Variants in ARSF observed in about 807,000 individuals in gnomAD.
ARSF encodes arylsulfatase F.
A neutral mutation model predicts 35.4 loss-of-function variants in ARSF; 33 were observed. The observed-to-expected ratio is 0.93, with a 90% CI of 0.71 to 1.25. The LOEUF (loss-of-function observed/expected upper bound fraction) is 1.25. Among genes scored for constraint, ARSF ranks in the 50% most tolerant of loss-of-function variants. The pLI is 0.00. For missense variants in ARSF, 501 were observed against 480.2 expected (o/e 1.04, Z -0.40); for synonymous variants, 222 against 193.1 (o/e 1.15, Z -1.24).
intron 3 of ARSF, among the ~76,000 whole-genome samples, chrX:3,075,205 G>C (rs2090136826): frequency 9.0e-6 from 1 of 111,498 alleles, no homozygotes; most frequent in African/African-American, 3.3e-5. Flanking sequence ...TTGTAAGGCT[G>C]AAGTACAGTG....
intron 4 of ARSF, among the ~76,000 whole-genome samples, chrX:3,077,274 G>T (rs1005918506): frequency 1.8e-5 from 2 of 112,233 alleles, no homozygotes. Flanking sequence ...GTCTTGGAAT[G>T]AAGTAATTAA....
At chrX:3,089,946 G>A (rs1191374243) in intron 7 of ARSF, among the ~76,000 whole-genome samples, 1 of 111,629 alleles carries the variant, frequency 9.0e-6, no homozygotes, top group Non-Finnish European at 1.9e-5. Flanking sequence ...TTAGATTCAG[G>A]GAGTACATGT....
Position 3,110,231 on chromosome X carries a change from C to T in ARSF, c.1369C>T (p.Arg457Trp), listed in dbSNP as rs753503000. 2.4e-5 allele frequency: 28 copies of T among 1,183,906 alleles called. 1 individual carries two copies. Among genetic ancestry groups the T allele is most frequent in the Non-Finnish European group, 2.7e-5 (24 of 881,342 alleles). Residue 457 changes from arginine (R) to tryptophan (W), a missense_variant, in exon 10 of 11, where the codon CGG (arginine) becomes TGG (tryptophan). Transcript: ENST00000381127. Reference protein sequence around the residue: ...HYCGSYLHAVRWIPKDDSGSV... With the variant: ...HYCGSYLHAVWWIPKDDSGSV... The stretch of plus-strand genomic sequence containing the variant: ...CTGTGGCTCCTACCTGCACGCCGTG[C>T]GGTGGATCCCCAAGGACGACAGTGA...
intron 3 of ARSF, among the ~76,000 whole-genome samples, chrX:3,075,009 C>T (rs946431815): frequency 1.8e-5 from 2 of 111,649 alleles, no homozygotes; most frequent in East Asian, 2.8e-4. Context: ...TCTGTGTTGT[C>T]GAAAATGGTG....
In ARSF at chrX:3,068,121, G is replaced by A. The variant is rs370087636; in HGVS notation, c.11+10G>A. The A allele has an allele frequency of 1.7e-6, 2 of 1,193,490 alleles. No homozygotes were observed. Among genetic ancestry groups the A allele is most frequent in the African/African-American group, 3.6e-5 (2 of 55,974 alleles). ...GCACAATGAGGCCCAGGTAGGTAAA[G>A]CCATATACTGCATTGTGAGCACATT... On this transcript the variant is annotated intron_variant, in intron 2 of 10. Transcript: ENST00000381127.
intron 3 of ARSF, 111 bp from the exon 4 acceptor site, chrX:3,076,437 A>G: frequency 2.3e-6 from 2 of 885,181 alleles, no homozygotes; most frequent in Non-Finnish European, 1.5e-6. Flanking sequence ...CTCTCTTTCC[A>G]CCTGTGCCTT....
At chrX:3,092,878 A>G (rs147223248) in intron 7 of ARSF, among the ~76,000 whole-genome samples, 2,754 of 112,130 alleles carry the variant, frequency 0.025, 43 homozygotes, top group Middle Eastern at 0.051. Context: ...TGCCTTTTAT[A>G]ATTATCATAG....
At position 3,046,802 on chromosome X, in the gene ARSF, A is replaced by G. The variant is rs149472879; in HGVS notation, c.-29+5139A>G. Reference sequence around the variant, plus strand: ...GTTACCTCTGAGACCTGTGATTACCAAGAAGATAGACATGTGGAGGAAGGG... The same window carrying G: ...GTTACCTCTGAGACCTGTGATTACCGAGAAGATAGACATGTGGAGGAAGGG... On this transcript the variant is annotated intron_variant, in intron 1 of 10. Transcript: ENST00000381127. Among the ~76,000 whole-genome samples, 258 of 111,159 alleles carry G rather than the reference A, an allele frequency of 2.3e-3. 2 individuals carry two copies. The highest frequency in any genetic ancestry group is 0.017 in the Admixed American group (180 of 10,391).
intron 1 of ARSF, among the ~76,000 whole-genome samples, chrX:3,056,819 G>A (rs1014815193): frequency 1.8e-5 from 2 of 111,037 alleles, no homozygotes; most frequent in African/African-American, 6.5e-5. Context: ...ATTCTCTTCC[G>A]ATCACCCTAG....
chrX:3,080,383 A>C (rs925539295), intron 4 of ARSF, among the ~76,000 whole-genome samples: 6 of 109,661 alleles, frequency 5.5e-5, no homozygotes, highest in African/African-American at 2.0e-4. Flanking sequence ...CTGAGGCAGG[A>C]GAATCACTTG....
At chrX:3,070,217 G>A (rs2090093436) in intron 2 of ARSF, among the ~76,000 whole-genome samples, 2 of 111,490 alleles carry the variant, frequency 1.8e-5, no homozygotes, top group African/African-American at 6.5e-5. Context: ...TGTTGTAAAT[G>A]ACAGAATTTC....
At chrX:3,081,431 G>C (rs759003896) in intron 5 of ARSF, among the ~76,000 whole-genome samples, 1 of 111,310 alleles carries the variant, frequency 9.0e-6, no homozygotes, top group African/African-American at 3.3e-5. Context: ...CCATCTCCTG[G>C]GTTCAAGGGA....
intron 2 of ARSF, 98 bp downstream of exon 2, chrX:3,068,209 C>A: frequency 1.2e-6 from 1 of 821,300 alleles, no homozygotes; most frequent in Non-Finnish European, 1.7e-6. Context: ...CATTTAATAT[C>A]ATCTGCCTTT....
At chrX:3,090,181 T>G (rs1344359254) in intron 7 of ARSF, among the ~76,000 whole-genome samples, 1 of 112,096 alleles carries the variant, frequency 8.9e-6, no homozygotes, top group Admixed American at 9.5e-5. Context: ...AAAATAAATT[T>G]TATTGTGTAT....
intron 3 of ARSF, among the ~76,000 whole-genome samples, chrX:3,074,186 T>C (rs1012263143): frequency 3.6e-5 from 4 of 111,013 alleles, no homozygotes; most frequent in African/African-American, 1.3e-4. Context: ...ATGGCAGATA[T>C]TTACAGAGAG....
chrX:3,082,095 C>G (rs1389313883), intron 5 of ARSF, among the ~76,000 whole-genome samples: 1 of 111,350 alleles, frequency 9.0e-6, no homozygotes, highest in Non-Finnish European at 1.9e-5. Flanking sequence ...TGTTAATATT[C>G]CTAGTAGATA....
In ARSF at chrX:3,068,110, A is replaced by G; in HGVS notation, c.10A>G (p.Arg4Gly). 1 of 1,201,894 alleles carries G rather than the reference A, an allele frequency of 8.3e-7. No individual in the cohort carries two copies. Among genetic ancestry groups the G allele is most frequent in the Non-Finnish European group, 1.1e-6 (1 of 890,468 alleles). MRP[R>G]RPLVFMSLVC... ...TATTCCAAGCTGCACAATGAGGCCC[A>G]GGTAGGTAAAGCCATATACTGCATT... The change falls in exon 2 of 11, where the codon AGG becomes GGG. Residue 4 changes from arginine (R) to glycine (G), a missense_variant and splice_region_variant. Transcript: ENST00000381127.
chrX:3,086,344 G>A (rs1057145284), intron 6 of ARSF, among the ~76,000 whole-genome samples: 2 of 112,298 alleles, frequency 1.8e-5, no homozygotes, highest in Admixed American at 9.5e-5. Flanking sequence ...AACCTCTGTC[G>A]AGTTTCAAAA....
intron 7 of ARSF, among the ~76,000 whole-genome samples, chrX:3,093,351 C>T (rs2090314633): frequency 9.0e-6 from 1 of 111,598 alleles, no homozygotes. Flanking sequence ...TACAATAGCT[C>T]CTGTCACCCA....
Sources: allele counts gnomAD v4.1 joint callset (sites outside exome capture counted in the v4.1 genomes callset), GRCh38; gene constraint gnomAD v4.1.1; transcripts MANE v1.5; gene names NCBI Gene and HGNC (gene_info 2026-07-23, HGNC 2026-07-21).